Variants in LGR6 observed in about 807,000 individuals in gnomAD.
The protein encoded by LGR6 is leucine rich repeat containing G protein-coupled receptor 6.
A neutral mutation model predicts 69.4 loss-of-function variants in LGR6; 45 were observed. That is an observed-to-expected ratio of 0.65 (90% CI 0.51 to 0.83). The LOEUF is 0.83. Ranked by LOEUF, LGR6 falls within the 40% of genes least tolerant of loss-of-function variation. LGR6 has a pLI of 0.00. For synonymous variants in LGR6, 538 were observed against 555.0 expected (o/e 0.97, Z 0.43); for missense variants, 1,108 against 1,246.7 (o/e 0.89, Z 1.68).
chr1:202,196,127 A>G (rs1658630721), intron 1 of LGR6, among the ~76,000 whole-genome samples: 1 of 152,112 alleles, frequency 6.6e-6, no homozygotes, highest in South Asian at 2.1e-4. Context: ...TATAAAGAGT[A>G]TGATGGGTCC....
intron 12 of LGR6, 30 bp from the exon 13 acceptor site, chr1:202,306,838 C>T (rs375824902): frequency 1.2e-4 from 193 of 1,601,116 alleles, no homozygotes; most frequent in Non-Finnish European, 1.5e-4. Context: ...CTGAGCCTGC[C>T]GGCTCATCCA....
intron 4 of LGR6, among the ~76,000 whole-genome samples, chr1:202,254,613 A>G (rs142945827): frequency 6.6e-6 from 1 of 152,338 alleles, no homozygotes; most frequent in South Asian, 2.1e-4. Flanking sequence ...TTGTTACCAA[A>G]TAAGGGCTGT....
chr1:202,311,374 A>G (rs1653707767), intron 16 of LGR6, among the ~76,000 whole-genome samples: 1 of 152,226 alleles, frequency 6.6e-6, no homozygotes, highest in South Asian at 2.1e-4. Flanking sequence ...TGAGAAAGAT[A>G]ATTGGCTGGG....
intron 4 of LGR6, among the ~76,000 whole-genome samples, chr1:202,247,039 G>C (rs1278238701): frequency 6.6e-6 from 1 of 152,218 alleles, no homozygotes; most frequent in Admixed American, 6.5e-5. Flanking sequence ...TAGTTCCCAA[G>C]GCTGTCTACC....
intron 1 of LGR6, among the ~76,000 whole-genome samples, chr1:202,203,022 C>A (rs1658893744): frequency 6.6e-6 from 1 of 152,038 alleles, no homozygotes; most frequent in African/African-American, 2.4e-5. Context: ...AGCAGAGGAG[C>A]AGTGCGGAGT....
At chr1:202,196,827 T>G (rs2147884276) in intron 1 of LGR6, among the ~76,000 whole-genome samples, 1 of 152,194 alleles carries the variant, frequency 6.6e-6, no homozygotes, top group African/African-American at 2.4e-5. Flanking sequence ...GAATGGTTTG[T>G]GGCTGGAGGA....
rs77365545 is a variant in LGR6, at chr1:202,285,544, G to A, written c.716+4692G>A. 3.9e-3 allele frequency among the ~76,000 whole-genome samples: 595 copies of A among 152,300 alleles called. 2 individuals are homozygous for A. Among genetic ancestry groups the A allele is most frequent in the Non-Finnish European group, 5.8e-3 (397 of 68,030 alleles). ...ATTGAGAAGATTGTTGGCAAGGATCGCATTAAATGAGATGACTTCACGTGA... is the reference window on the plus strand; with the variant it reads ...ATTGAGAAGATTGTTGGCAAGGATCACATTAAATGAGATGACTTCACGTGA... On this transcript the variant is annotated intron_variant, in intron 6 of 17. Transcript: ENST00000367278.
chr1:202,244,817 C>T (rs1316310364), intron 4 of LGR6, among the ~76,000 whole-genome samples: 1 of 152,174 alleles, frequency 6.6e-6, no homozygotes, highest in African/African-American at 2.4e-5. Context: ...TGTGAGAGAG[C>T]ACTTGGGGGT....
At position 202,220,099 on chromosome 1, in the gene LGR6, C is replaced by G. The variant is rs192175882; in HGVS notation, c.213-5324C>G. On this transcript the variant is annotated intron_variant, in intron 1 of 17. Coordinates refer to ENST00000367278, the MANE Select transcript of LGR6 (RefSeq NM_001017403.2). The stretch of plus-strand genomic sequence containing the variant: ...TTCGCCATTTTGGCCAGGCTGGTCT[C>G]GAACTCCTGACCTCAGGTGATCCAC... Among the ~76,000 whole-genome samples the G allele has an allele frequency of 2.1e-4, 32 of 152,110 alleles. No homozygotes were observed. The East Asian group carries it at 6.2e-3, about 29-fold the overall frequency.
intron 4 of LGR6, 181 bp downstream of exon 4, chr1:202,236,174 T>C: frequency 1.6e-6 from 1 of 618,708 alleles, no homozygotes; most frequent in Non-Finnish European, 2.9e-6. Context: ...CATCAGTGTG[T>C]GGCTGTGTAC....
chr1:202,287,086 T>C (rs1162565751), intron 6 of LGR6, among the ~76,000 whole-genome samples: 2 of 152,116 alleles, frequency 1.3e-5, no homozygotes, highest in East Asian at 3.8e-4. Context: ...GTAGATGTAA[T>C]GGAGAGGAAA....
Position 202,278,847 on chromosome 1 carries a change from C to T in LGR6, c.645-1934C>T, listed in dbSNP as rs980236703. 7.9e-5 allele frequency among the ~76,000 whole-genome samples: 12 copies of T among 152,332 alleles called. No individual in the cohort carries two copies. The South Asian group carries it at 2.5e-3, about 32-fold the overall frequency. ...CTTTCATCATCGGGCTGCTCTGCCA[C>T]ATGTGGAATCTCCCTCACCACTGCT... is the stretch of plus-strand genomic sequence containing the variant. On this transcript the variant is annotated intron_variant, in intron 5 of 17. Coordinates refer to ENST00000367278, the MANE Select transcript of LGR6 (RefSeq NM_001017403.2).
At chr1:202,310,830 A>T (rs1653668040) in intron 16 of LGR6, among the ~76,000 whole-genome samples, 1 of 152,254 alleles carries the variant, frequency 6.6e-6, no homozygotes, top group South Asian at 2.1e-4. Flanking sequence ...ACCAAAAGGA[A>T]CAGTGTAGGG....
intron 6 of LGR6, among the ~76,000 whole-genome samples, chr1:202,283,718 G>A (rs771889243): frequency 3.9e-5 from 6 of 152,178 alleles, no homozygotes; most frequent in Admixed American, 6.5e-5. Flanking sequence ...CCAATCATGT[G>A]CACGTGCAGC....
Position 202,276,301 on chromosome 1 carries a change from A to G in LGR6, c.429-5A>G. On this transcript the variant is annotated splice_polypyrimidine_tract_variant and splice_region_variant and intron_variant, in intron 4 of 17. Coordinates refer to ENST00000367278, the MANE Select transcript of LGR6 (RefSeq NM_001017403.2). ...TTGACCCCTCTCCATCCTCTCTTCC[A>G]CCAGGCGCCTAGATGCCAACCTCAT... 6.2e-7 allele frequency: 1 copy of G among 1,612,390 alleles called. No individual in the cohort carries two copies. The highest frequency in any genetic ancestry group is 8.5e-7 in the Non-Finnish European group (1 of 1,178,886).
chr1:202,256,607 T>C (rs1663795566), intron 4 of LGR6, among the ~76,000 whole-genome samples: 1 of 152,222 alleles, frequency 6.6e-6, no homozygotes, highest in African/African-American at 2.4e-5. Context: ...TTATTTTACC[T>C]CTGTATCAGT....
At chr1:202,223,607 G>A (rs991087915) in intron 1 of LGR6, among the ~76,000 whole-genome samples, 1 of 152,004 alleles carries the variant, frequency 6.6e-6, no homozygotes, top group Non-Finnish European at 1.5e-5. Context: ...TACCCCCTCA[G>A]GGAAGGGGCA....
chr1:202,239,115 G>GGGGTAGGTGTCTTCCAACCA (rs1010154742), intron 4 of LGR6, among the ~76,000 whole-genome samples: 2 of 152,004 alleles, frequency 1.3e-5, no homozygotes, highest in African/African-American at 4.8e-5. Context: ...TCCATCTTCA[G>GGGGTAGGTGTCTTCCAACCA]GGGTAGGTGT....
At chr1:202,304,537 T>C (rs371548055) in intron 10 of LGR6, 22 bp from the exon 11 acceptor site, 1 of 1,585,810 alleles carries the variant, frequency 6.3e-7, no homozygotes, top group Non-Finnish European at 8.6e-7. Context: ...TGGTGCCAGC[T>C]CTGTCTCTGT....
Sources: gnomAD v4.1 joint callset for allele counts (sites outside exome capture counted in the v4.1 genomes callset) on GRCh38, gnomAD v4.1.1 for gene constraint, MANE v1.5 for transcripts, NCBI Gene and HGNC (gene_info 2026-07-23, HGNC 2026-07-21) for gene names.